The following NFASC variants were observed in gnomAD, a reference collection of about 807,000 sequenced individuals.
The protein encoded by NFASC is neurofascin homolog.
In NFASC, 43 loss-of-function variants were observed where a neutral mutation model predicts 147.5. The observed-to-expected ratio is 0.29, with a 90% CI of 0.23 to 0.38. The LOEUF is 0.38. Among genes scored for constraint, NFASC ranks in the 10% least tolerant of loss-of-function variants. The pLI, the probability that NFASC is intolerant of heterozygous loss-of-function variation, is 1.00. For synonymous variants in NFASC, 622 were observed against 665.5 expected (o/e 0.93, Z 1.01); for missense variants, 1,320 against 1,689.0 (o/e 0.78, Z 3.83).
In NFASC at chr1:205,006,534, C is replaced by T. The variant is rs765426937; in HGVS notation, c.3290-3023C>T. On this transcript the variant is annotated intron_variant, in intron 27 of 29. Transcript: ENST00000339876. ...TCTTGGGCAGGAGGGGCAGGATGCA[C>T]GGAAAGGAGACTGGAGCTCCCAGAA... Among the ~76,000 whole-genome samples the T allele has an allele frequency of 4.4e-4, 67 of 152,092 alleles. 1 individual carries two copies. In the Middle Eastern group the frequency reaches 0.017, roughly 39 times the overall value.
chr1:204,955,756 C>G (rs1324304687), intron 7 of NFASC, among the ~76,000 whole-genome samples: 7 of 152,154 alleles, frequency 4.6e-5, no homozygotes, highest in African/African-American at 1.7e-4. Flanking sequence ...CCTCCTCTCC[C>G]CCTCCTTCCA....
intron 1 of NFASC, among the ~76,000 whole-genome samples, chr1:204,863,954 AAGAAAGAAAG>A (rs2076906626): frequency 6.6e-6 from 1 of 150,592 alleles, no homozygotes. Context: ...GAAAGAGAGA[AAGAAAGAAAG>A]AGAAAGAAAA....
rs187074051 is a variant in NFASC at position 205,001,516 on chromosome 1, A to G, written c.3136+230A>G. 1.6e-3 allele frequency among the ~76,000 whole-genome samples: 240 copies of G among 152,300 alleles called. 3 individuals are homozygous for G. Among genetic ancestry groups the G allele is most frequent in the African/African-American group, 4.7e-3 (197 of 41,574 alleles). On this transcript the variant is annotated intron_variant, in intron 26 of 29. Transcript: ENST00000339876. ...CTTCTCAAGCCATTAGTGGAAGTCT[A>G]GGATTGCATGTCTGTGGAGGACCTG...
intron 15 of NFASC, among the ~76,000 whole-genome samples, chr1:204,976,065 T>C (rs1452456815): frequency 6.6e-6 from 1 of 152,084 alleles, no homozygotes; most frequent in East Asian, 1.9e-4. Context: ...GGGAGCAAAG[T>C]TGTGCAGGGC....
Position 204,957,763 on chromosome 1 carries a change from G to A in NFASC, c.643G>A (p.Ala215Thr), listed in dbSNP as rs2094494376. 1.2e-6 allele frequency: 2 copies of A among 1,614,052 alleles called. No homozygotes were observed. Among genetic ancestry groups the A allele is most frequent in the Non-Finnish European group, 1.7e-6 (2 of 1,180,008 alleles). ...QDMQTDYSCN[A>T]RFHFTHTIQQ... The stretch of plus-strand genomic sequence containing the variant: ...CATGCAGACCGACTACAGTTGTAAC[G>A]CCCGCTTCCACTTCACCCACACCAT... Residue 215 changes from alanine (A) to threonine (T), a missense_variant, in exon 8 of 30, where the codon GCC (alanine) becomes ACC (threonine). This residue lies in a region of NFASC where 981 missense variants were observed against 1,289.5 expected (regional missense o/e 0.76). Coordinates refer to ENST00000339876, the MANE Select transcript of NFASC (RefSeq NM_001005388.3).
intron 1 of NFASC, among the ~76,000 whole-genome samples, chr1:204,912,819 G>A (rs2087950031): frequency 6.6e-6 from 1 of 151,966 alleles, no homozygotes; most frequent in Non-Finnish European, 1.5e-5. Flanking sequence ...AGGAGTTTGA[G>A]ACCAGCCTAT....
chr1:204,832,911 C>A (rs902608585), intron 1 of NFASC, among the ~76,000 whole-genome samples: 1 of 152,218 alleles, frequency 6.6e-6, no homozygotes, highest in African/African-American at 2.4e-5. Context: ...GATGACAAAC[C>A]TTTGGGCACT....
In NFASC at chr1:204,972,231, C is replaced by T. The variant is rs11240321; in HGVS notation, c.1136-1045C>T. Among the ~76,000 whole-genome samples the T allele has an allele frequency of 4.6e-3, 695 of 152,252 alleles. 9 individuals carry two copies. The highest frequency in any genetic ancestry group is 0.013 in the African/African-American group (550 of 41,490). ...GCTGACTTCCCCTGTAGGTCTGAGTCATCTTGAATGCGTTCATGTACTCTG... is the reference window on the plus strand; with the variant it reads ...GCTGACTTCCCCTGTAGGTCTGAGTTATCTTGAATGCGTTCATGTACTCTG... On this transcript the variant is annotated intron_variant, in intron 11 of 29. Coordinates refer to ENST00000339876, the MANE Select transcript of NFASC (RefSeq NM_001005388.3).
In NFASC at chr1:204,968,432, T is replaced by C. The variant is rs2095074587; in HGVS notation, c.818+72T>C. 8.8e-7 allele frequency: 1 copy of C among 1,130,516 alleles called. No individual in the cohort carries two copies. The highest frequency in any genetic ancestry group is 1.3e-6 in the Non-Finnish European group (1 of 746,818). The allele number at this position is 1,130,516 out of a possible 1,614,324, so 70.0% of individuals were successfully genotyped here. The stretch of plus-strand genomic sequence containing the variant: ...GGGGATGGGAGCTTGTTCATGCTCT[T>C]GTTAATGCCACATTTAGTGCATACC... On this transcript the variant is annotated intron_variant, in intron 9 of 29. Coordinates refer to ENST00000339876, the MANE Select transcript of NFASC (RefSeq NM_001005388.3). This position sits in a 1 kb window ranked among gnomAD's most constrained non-coding sequence, Gnocchi z 5.4.
chr1:204,881,568 G>A (rs75640065), intron 1 of NFASC, among the ~76,000 whole-genome samples: 2,964 of 152,216 alleles, frequency 0.019, 119 homozygotes, highest in African/African-American at 0.067. Flanking sequence ...CAGAAGGTAG[G>A]GAAGAGCTTC....
At position 204,915,976 on chromosome 1, in the gene NFASC, A is replaced by T. The variant is rs569034585; in HGVS notation, c.-199-4656A>T. 2.6e-5 allele frequency among the ~76,000 whole-genome samples: 4 copies of T among 152,296 alleles called. No homozygotes were observed. The East Asian group carries it at 7.7e-4, about 29-fold the overall frequency. ...TGTTGGAGCTGGTTAGCAACCCCAG[A>T]CACTCCCTGTCATCAGTCCGACATG... On this transcript the variant is annotated intron_variant, in intron 1 of 29. Transcript: ENST00000339876.
chr1:204,905,725 G>A (rs2085702458), intron 1 of NFASC, among the ~76,000 whole-genome samples: 1 of 152,196 alleles, frequency 6.6e-6, no homozygotes, highest in South Asian at 2.1e-4. Context: ...GGTTTCTGCT[G>A]TGGTGAATAG....
chr1:204,850,087 G>T (rs1302131206), intron 1 of NFASC, among the ~76,000 whole-genome samples: 1 of 152,196 alleles, frequency 6.6e-6, no homozygotes, highest in Non-Finnish European at 1.5e-5. Flanking sequence ...GGAGTAAGGA[G>T]ACTGGATACT....
chr1:205,013,850 G>A (rs1010032772), intron 29 of NFASC, among the ~76,000 whole-genome samples: 2 of 152,162 alleles, frequency 1.3e-5, no homozygotes, highest in East Asian at 3.9e-4. Flanking sequence ...CTGCCCATCA[G>A]CCTGGCAAGC....
intron 8 of NFASC, among the ~76,000 whole-genome samples, chr1:204,960,919 G>A (rs1297310226): frequency 6.6e-6 from 1 of 152,202 alleles, no homozygotes; most frequent in Non-Finnish European, 1.5e-5. Flanking sequence ...GCAATGCAAT[G>A]CCAGTCCCAG....
chr1:204,839,732 A>G (rs1346346981), intron 1 of NFASC, among the ~76,000 whole-genome samples: 1 of 152,190 alleles, frequency 6.6e-6, no homozygotes, highest in East Asian at 1.9e-4. Flanking sequence ...GGCTGTGGAA[A>G]GGGAAGAAAC....
At chr1:204,898,973 A>G (rs1441042504) in intron 1 of NFASC, among the ~76,000 whole-genome samples, 1 of 152,162 alleles carries the variant, frequency 6.6e-6, no homozygotes, top group Admixed American at 6.5e-5. Context: ...TTCCAGTCTA[A>G]TGGCAGAGAC....
chr1:204,911,782 T>TAAA (rs1283154681), intron 1 of NFASC, among the ~76,000 whole-genome samples: 2 of 152,196 alleles, frequency 1.3e-5, no homozygotes, highest in Non-Finnish European at 2.9e-5. Flanking sequence ...TGAATATTTT[T>TAAA]AAATTATTAA....
intron 1 of NFASC, among the ~76,000 whole-genome samples, chr1:204,906,750 TCGGC>T (rs1279741170): frequency 0.02 from 2,559 of 127,446 alleles, 88 homozygotes; most frequent in African/African-American, 0.072. Flanking sequence ...TGGCGCGATC[TCGGC>T]TCACTGCAAG....
Sources: allele counts gnomAD v4.1 joint callset (sites outside exome capture counted in the v4.1 genomes callset), GRCh38; gene constraint gnomAD v4.1.1; regional missense constraint gnomAD v4.1.1; non-coding constraint Gnocchi (gnomAD v3.1); transcripts MANE v1.5; gene names NCBI Gene and HGNC (gene_info 2026-07-23, HGNC 2026-07-21).